SDK1: variants seen among roughly 807,000 people sequenced by gnomAD.
The protein encoded by SDK1 is protein sidekick-1.
A neutral mutation model predicts 245.5 loss-of-function variants in SDK1; 157 were observed. The ratio of observed to expected loss-of-function variants is 0.64; its 90% CI spans 0.56 to 0.73. The LOEUF (loss-of-function observed/expected upper bound fraction) is 0.73, where lower values mean the gene tolerates loss of function less well. Among genes scored for constraint, SDK1 ranks in the 30% least tolerant of loss-of-function variants. The pLI, the probability that SDK1 is intolerant of heterozygous loss-of-function variation, is 0.00. For synonymous variants in SDK1, 1,647 were observed against 1,278.5 expected (o/e 1.29, Z -6.15); for missense variants, 3,583 against 3,002.3 (o/e 1.19, Z -4.52).
chr7:4,127,341 T>C, intron 25 of SDK1, 40 bp from the exon 26 acceptor site: 2 of 1,465,856 alleles, frequency 1.4e-6, no homozygotes, highest in South Asian at 2.3e-5. Context: ...GTAGACACTC[T>C]AGATTTTGGA....
At chr7:3,882,047 G>C (rs2128099659) in intron 5 of SDK1, among the ~76,000 whole-genome samples, 1 of 152,306 alleles carries the variant, frequency 6.6e-6, no homozygotes, top group South Asian at 2.1e-4. Context: ...CATGGCGGAA[G>C]GCAAAAGGCA....
intron 17 of SDK1, among the ~76,000 whole-genome samples, chr7:4,035,863 T>C (rs1189513442): frequency 6.6e-6 from 1 of 152,160 alleles, no homozygotes; most frequent in African/African-American, 2.4e-5. Flanking sequence ...TTGAAGAGGC[T>C]CCTGCTAGTT....
chr7:4,254,733 A>G lies in SDK1; in HGVS notation c.6381+8928A>G, dbSNP rs1039268379. ...GCAGCAACTCTGAATAATGATATTC[A>G]TGCCTCATTGAGGGTTATTGTTGCT... On this transcript the variant is annotated intron_variant, in intron 44 of 44. Transcript: ENST00000404826. 2.6e-5 allele frequency among the ~76,000 whole-genome samples: 4 copies of G among 151,818 alleles called. No individual in the cohort carries two copies. In the East Asian group the frequency reaches 7.8e-4, roughly 29 times the overall value.
intron 4 of SDK1, among the ~76,000 whole-genome samples, chr7:3,722,465 T>A (rs1207326441): frequency 6.6e-6 from 1 of 152,092 alleles, no homozygotes; most frequent in Non-Finnish European, 1.5e-5. Flanking sequence ...GCTGCGGCAC[T>A]CACCGCAGGG....
chr7:3,308,305 G>C (rs957178877), intron 1 of SDK1, among the ~76,000 whole-genome samples: 1 of 152,150 alleles, frequency 6.6e-6, no homozygotes, highest in Non-Finnish European at 1.5e-5. Flanking sequence ...GGATGAGAAT[G>C]TTTATATTTA....
chr7:3,969,407 C>T lies in SDK1; in HGVS notation c.1697C>T (p.Ala566Val), dbSNP rs149996271. ...ACAGAGGGCTCCCTGAATGCATCGG[C>T]CACGCTCACTGTGTGGAGTAAGGAG... ...ANTEGSLNAS[A>V]TLTVWNRTSI... The change falls in exon 11 of 45, where the codon GCC becomes GTC. Residue 566 changes from alanine (A) to valine (V), a missense_variant. Coordinates refer to ENST00000404826, the MANE Select transcript of SDK1 (RefSeq NM_152744.4). 4.9e-5 allele frequency: 78 copies of T among 1,601,076 alleles called. No individual in the cohort carries two copies. The African/African-American group carries it at 9.8e-4, about 20-fold the overall frequency.
At chr7:4,177,555 C>T (rs1782292439) in intron 34 of SDK1, among the ~76,000 whole-genome samples, 1 of 152,144 alleles carries the variant, frequency 6.6e-6, no homozygotes, top group African/African-American at 2.4e-5. Context: ...CACAGTCTTA[C>T]TCTATCTGTT....
rs7786879 is a variant in SDK1, at chr7:3,974,724, C to G, written c.1994+179C>G. ...GACAAGGTTTTTTTGTGGTTTCTTT[C>G]AACTTCGGAATTGAGAAGTTTCGTT... On this transcript the variant is annotated intron_variant, in intron 13 of 44. Transcript: ENST00000404826. 2.4e-4 allele frequency: 132 copies of G among 558,586 alleles called. 1 individual carries two copies. The highest frequency in any genetic ancestry group is 8.5e-4 in the Middle Eastern group (2 of 2,358). The allele number at this position is 558,586 out of a possible 1,614,324, so 34.6% of individuals were successfully genotyped here.
chr7:4,145,097 C>T (rs932107311), intron 28 of SDK1, among the ~76,000 whole-genome samples: 6 of 152,186 alleles, frequency 3.9e-5, no homozygotes, highest in African/African-American at 1.4e-4. Context: ...AAGCCAGGAG[C>T]CCTCCCTCAA....
chr7:3,499,774 G>C (rs1299966606), intron 1 of SDK1, among the ~76,000 whole-genome samples: 1 of 152,224 alleles, frequency 6.6e-6, no homozygotes, highest in Non-Finnish European at 1.5e-5. Context: ...TTCTGTGGAA[G>C]TTAGTGGCCA....
intron 35 of SDK1, among the ~76,000 whole-genome samples, chr7:4,192,357 G>A (rs1367813652): frequency 1.3e-5 from 2 of 152,156 alleles, no homozygotes. Context: ...CTCACTGCAA[G>A]CTCCGCCTCC....
chr7:3,994,527 A>G (rs1455663787), intron 14 of SDK1, among the ~76,000 whole-genome samples: 1 of 151,880 alleles, frequency 6.6e-6, no homozygotes, highest in Non-Finnish European at 1.5e-5. Context: ...CTATAATCCC[A>G]GCTACTCAGG....
At chr7:3,659,294 G>A (rs772214597) in intron 4 of SDK1, among the ~76,000 whole-genome samples, 119 of 151,980 alleles carry the variant, frequency 7.8e-4, no homozygotes, top group Non-Finnish European at 1.5e-3. Flanking sequence ...TATCACATAG[G>A]TTCCTGTTCT....
At chr7:3,785,897 TAGTG>T (rs572207896) in intron 4 of SDK1, among the ~76,000 whole-genome samples, 2 of 152,142 alleles carry the variant, frequency 1.3e-5, no homozygotes, top group Admixed American at 6.5e-5. Context: ...CTATGCAAAA[TAGTG>T]AGAGAAATAT....
chr7:3,493,448 A>G (rs1429355994), intron 1 of SDK1, among the ~76,000 whole-genome samples: 1 of 152,224 alleles, frequency 6.6e-6, no homozygotes, highest in Non-Finnish European at 1.5e-5. Flanking sequence ...AAAATTAAAA[A>G]TATTACTTCT....
chr7:4,209,519 A>G (rs1353710645), intron 37 of SDK1, among the ~76,000 whole-genome samples: 2 of 152,168 alleles, frequency 1.3e-5, no homozygotes, highest in Non-Finnish European at 2.9e-5. Context: ...CTCCAGACCC[A>G]GGGGGACACT....
chr7:4,024,259 GT>G (rs1323956232), intron 17 of SDK1, among the ~76,000 whole-genome samples: 4 of 152,124 alleles, frequency 2.6e-5, no homozygotes, highest in Non-Finnish European at 4.4e-5. Flanking sequence ...GCTTTGAAAG[GT>G]TTTCTAAAGT....
At chr7:3,590,802 A>C (rs1256166839) in intron 1 of SDK1, among the ~76,000 whole-genome samples, 1 of 124,742 alleles carries the variant, frequency 8.0e-6, no homozygotes, top group Non-Finnish European at 1.6e-5. Flanking sequence ...TTTTTTTTTA[A>C]GGCCTGGTCT....
chr7:3,569,217 G>C (rs78555413), intron 1 of SDK1, among the ~76,000 whole-genome samples: 1 of 152,130 alleles, frequency 6.6e-6, no homozygotes, highest in Non-Finnish European at 1.5e-5. Flanking sequence ...AGTTAGAAGC[G>C]AGAAAAACAA....
Sources: allele counts gnomAD v4.1 joint callset (sites outside exome capture counted in the v4.1 genomes callset), GRCh38; gene constraint gnomAD v4.1.1; transcripts MANE v1.5; gene names NCBI Gene and HGNC (gene_info 2026-07-23, HGNC 2026-07-21).